The following EPAS1 variants were observed in gnomAD, a reference collection of about 807,000 sequenced individuals.
EPAS1 encodes endothelial PAS domain-containing protein 1.
A neutral mutation model predicts 87.9 loss-of-function variants in EPAS1; 23 were observed. That is an observed-to-expected ratio of 0.26 (90% confidence interval 0.19 to 0.37). The LOEUF is 0.37. Among genes scored for constraint, EPAS1 ranks in the 10% least tolerant of loss-of-function variants. EPAS1 has a pLI of 1.00. For missense variants in EPAS1, 1,138 were observed against 1,120.7 expected (o/e 1.02, Z -0.22); for synonymous variants, 508 against 444.3 (o/e 1.14, Z -1.80).
chr2:46,373,874 G>A (rs1219270567), intron 7 of EPAS1, among the ~76,000 whole-genome samples: 1 of 152,214 alleles, frequency 6.6e-6, no homozygotes, highest in African/African-American at 2.4e-5. Context: ...TTTCCACTGA[G>A]GTGGTCTTTC....
intron 2 of EPAS1, among the ~76,000 whole-genome samples, chr2:46,353,545 G>A (rs1684212440): frequency 1.3e-5 from 2 of 152,182 alleles, no homozygotes. Context: ...TTTCAGCCTG[G>A]CCTATAGATG....
intron 1 of EPAS1, among the ~76,000 whole-genome samples, chr2:46,337,952 T>G (rs12614710): frequency 0.68 from 104,011 of 152,024 alleles, 37,466 homozygotes; most frequent in East Asian, 0.93. Flanking sequence ...TCAGGCAAAA[T>G]GGTGGCCAGC....
At chr2:46,322,409 T>C (rs1683471785) in intron 1 of EPAS1, among the ~76,000 whole-genome samples, 1 of 152,204 alleles carries the variant, frequency 6.6e-6, no homozygotes, top group African/African-American at 2.4e-5. Flanking sequence ...GACTTATTTG[T>C]GACTCTTAAC....
At chr2:46,356,006 A>T (rs1240521876) in intron 2 of EPAS1, 145 bp from the exon 3 acceptor site, 2 of 851,792 alleles carry the variant, frequency 2.3e-6, no homozygotes, top group South Asian at 1.4e-5. Flanking sequence ...AGGCGGAGGC[A>T]GACATTCAGA....
intron 1 of EPAS1, among the ~76,000 whole-genome samples, chr2:46,327,972 C>T (rs1051478454): frequency 4.6e-5 from 7 of 152,032 alleles, no homozygotes; most frequent in African/African-American, 9.7e-5. Flanking sequence ...AACCTACCTC[C>T]GGGGGGGCTA....
chr2:46,297,996 G>A (rs1682919865), intron 1 of EPAS1, 59 bp downstream of exon 1: 3 of 1,595,622 alleles, frequency 1.9e-6, no homozygotes, highest in African/African-American at 1.3e-5. Context: ...GGGCTGCGCG[G>A]GGCAGGCGCG....
At chr2:46,384,376 TG>T in intron 15 of EPAS1, 132 bp from the exon 16 acceptor site, 1 of 1,289,392 alleles carries the variant, frequency 7.8e-7, no homozygotes, top group Non-Finnish European at 1.1e-6. Flanking sequence ...CAGCAGGCCG[TG>T]GGACAGACAC....
Position 46,298,038 on chromosome 2 carries a change from G to A in EPAS1, c.26+101G>A, listed in dbSNP as rs537143974. 164 of 1,438,716 alleles carry A rather than the reference G, an allele frequency of 1.1e-4. 2 individuals are homozygous for A. In the South Asian group the frequency reaches 1.7e-3, roughly 15 times the overall value. The allele number at this position is 1,438,716 out of a possible 1,614,324, so 89.1% of individuals were successfully genotyped here. Reference sequence around the variant, plus strand: ...AGTGGTTGGGAGAAGAGTGCTGAGAGGTCTTCGGAGCTCGAGGCTCGGTTT... The same window carrying A: ...AGTGGTTGGGAGAAGAGTGCTGAGAAGTCTTCGGAGCTCGAGGCTCGGTTT... On this transcript the variant is annotated intron_variant, in intron 1 of 15. Coordinates refer to ENST00000263734, the MANE Select transcript of EPAS1 (RefSeq NM_001430.5).
chr2:46,354,732 C>A (rs866295764), intron 2 of EPAS1, among the ~76,000 whole-genome samples: 1 of 152,074 alleles, frequency 6.6e-6, no homozygotes, highest in Non-Finnish European at 1.5e-5. Context: ...GACTAATCTC[C>A]CCAAAGCAGT....
chr2:46,355,104 A>G (rs1352320577), intron 2 of EPAS1, among the ~76,000 whole-genome samples: 3 of 152,030 alleles, frequency 2.0e-5, no homozygotes, highest in Admixed American at 2.0e-4. Flanking sequence ...CAGCTATGAC[A>G]CCCTTGAACT....
chr2:46,327,701 AT>A (rs1335211285), intron 1 of EPAS1, among the ~76,000 whole-genome samples: 3 of 152,250 alleles, frequency 2.0e-5, no homozygotes, highest in Non-Finnish European at 4.4e-5. Context: ...TGACAATTCC[AT>A]TAGAATATAG....
At chr2:46,310,399 A>G (rs1369892738) in intron 1 of EPAS1, among the ~76,000 whole-genome samples, 1 of 152,224 alleles carries the variant, frequency 6.6e-6, no homozygotes, top group East Asian at 1.9e-4. Context: ...TGACACAGCC[A>G]AATCCAAGTC....
rs143151419 is a variant in EPAS1, at chr2:46,370,433, A to T, written c.886+500A>T. 8.0e-3 allele frequency among the ~76,000 whole-genome samples: 1,224 copies of T among 152,276 alleles called. 16 individuals are homozygous for T. The highest frequency in any genetic ancestry group is 0.028 in the African/African-American group (1,168 of 41,534). ...GGGAGGCTTAGGCTGAACAGAGGGG[A>T]AAGTATTACGGGTCCAACTTAACAC... is the stretch of plus-strand genomic sequence containing the variant. On this transcript the variant is annotated intron_variant, in intron 7 of 15. Coordinates refer to ENST00000263734, the MANE Select transcript of EPAS1 (RefSeq NM_001430.5).
intron 1 of EPAS1, among the ~76,000 whole-genome samples, chr2:46,336,189 T>C (rs936974306): frequency 6.6e-6 from 1 of 152,214 alleles, no homozygotes; most frequent in Non-Finnish European, 1.5e-5. Context: ...GCAAAGGGCA[T>C]TTTTGATTGT....
Position 46,380,117 on chromosome 2 carries a change from C to A in EPAS1, c.1555-110C>A. On this transcript the variant is annotated intron_variant, in intron 11 of 15. Transcript: ENST00000263734. The surrounding 1 kb of genome is among the most constrained non-coding windows in gnomAD (Gnocchi z 4.4). ...GGAGCCAGTGGAGGCGTTTGAGCAG[C>A]ACTGTGAAACAGTGCTTGAGATGAA... The A allele has an allele frequency of 6.4e-7, 1 of 1,573,570 alleles. No individual in the cohort carries two copies. The highest frequency in any genetic ancestry group is 2.2e-5 in the East Asian group (1 of 44,730).
intron 1 of EPAS1, among the ~76,000 whole-genome samples, chr2:46,337,482 C>A (rs1289802618): frequency 6.6e-6 from 1 of 152,218 alleles, no homozygotes; most frequent in Non-Finnish European, 1.5e-5. Context: ...AACTGCTCCC[C>A]ACTTGCCCCA....
chr2:46,298,104 C>T (rs1475958046), intron 1 of EPAS1, among the ~76,000 whole-genome samples, 167 bp downstream of exon 1: 1 of 151,990 alleles, frequency 6.6e-6, no homozygotes, highest in Admixed American at 6.6e-5. Flanking sequence ...GGTTTGGGGG[C>T]GCGGATCAGC....
At chr2:46,316,423 G>A (rs546051918) in intron 1 of EPAS1, among the ~76,000 whole-genome samples, 4 of 152,084 alleles carry the variant, frequency 2.6e-5, no homozygotes, top group African/African-American at 4.8e-5. Flanking sequence ...GCCACACCCA[G>A]CTAATTTTTG....
At chr2:46,315,531 G>C (rs1181470022) in intron 1 of EPAS1, among the ~76,000 whole-genome samples, 1 of 152,208 alleles carries the variant, frequency 6.6e-6, no homozygotes, top group Non-Finnish European at 1.5e-5. Context: ...GCCCTGGGAA[G>C]GCCTTCTGCT....
Sources: gnomAD v4.1 joint callset for allele counts (sites outside exome capture counted in the v4.1 genomes callset) on GRCh38, gnomAD v4.1.1 for gene constraint, Gnocchi (gnomAD v3.1) non-coding constraint, MANE v1.5 for transcripts, NCBI Gene and HGNC (gene_info 2026-07-23, HGNC 2026-07-21) for gene names.